PTPRN2: variants seen among roughly 807,000 people sequenced by gnomAD.
The protein encoded by PTPRN2 is protein tyrosine phosphatase receptor type N2, also known as receptor-type tyrosine-protein phosphatase N2.
A neutral mutation model predicts 118.8 loss-of-function variants in PTPRN2; 74 were observed. The ratio of observed to expected loss-of-function variants is 0.62; its 90% CI spans 0.52 to 0.76. PTPRN2 has a LOEUF of 0.76. PTPRN2 is among the 30% of genes least tolerant of loss of function. The probability of loss-of-function intolerance (pLI) is 0.00; values close to 1 mark genes in which losing one functional copy is unlikely to be tolerated. For synonymous variants in PTPRN2, 641 were observed against 608.0 expected, an observed-to-expected ratio of 1.05 and a Z score of -0.80; for missense variants, 1,481 against 1,394.4, an observed-to-expected ratio of 1.06 and a Z score of -0.99.
intron 13 of PTPRN2, among the ~76,000 whole-genome samples, chr7:157,665,099 C>T (rs2150764747): frequency 6.6e-6 from 1 of 152,360 alleles, no homozygotes; most frequent in South Asian, 2.1e-4. Context: ...AGGGCCTCCC[C>T]TGCACAGCCT....
At chr7:158,001,587 C>T (rs767368066) in intron 11 of PTPRN2, among the ~76,000 whole-genome samples, 39 of 152,154 alleles carry the variant, frequency 2.6e-4, no homozygotes, top group Non-Finnish European at 5.3e-4. Context: ...TTCAGCCTCA[C>T]GGGCGCTCCC....
At chr7:158,280,499 T>C (rs1799348601) in intron 3 of PTPRN2, among the ~76,000 whole-genome samples, 1 of 152,210 alleles carries the variant, frequency 6.6e-6, no homozygotes, top group South Asian at 2.1e-4. Context: ...CTGCGTTTAA[T>C]TGGTCCTCTC....
intron 6 of PTPRN2, among the ~76,000 whole-genome samples, chr7:158,146,593 C>G (rs373288767): frequency 6.6e-6 from 1 of 150,552 alleles, no homozygotes; most frequent in Non-Finnish European, 1.5e-5. Flanking sequence ...TGGTGGCGGG[C>G]GCCTGTAGTC....
intron 6 of PTPRN2, among the ~76,000 whole-genome samples, chr7:158,165,140 T>G (rs7782123): frequency 9.7e-4 from 32 of 32,908 alleles, no homozygotes; most frequent in East Asian, 3.6e-3. Flanking sequence ...ACACAAAGAG[T>G]GCAGGAGGCA....
intron 11 of PTPRN2, among the ~76,000 whole-genome samples, chr7:157,982,309 T>C (rs12112318): frequency 0.085 from 340 of 4,006 alleles, 12 homozygotes; most frequent in East Asian, 0.12. Flanking sequence ...CCCCAAACCC[T>C]GAGTCATAGA....
chr7:157,838,293 G>C (rs540279144), intron 12 of PTPRN2, among the ~76,000 whole-genome samples: 1 of 134,334 alleles, frequency 7.4e-6, no homozygotes, highest in Non-Finnish European at 1.6e-5. Flanking sequence ...AGTTCCTCTC[G>C]TAGTGGATGG....
intron 12 of PTPRN2, among the ~76,000 whole-genome samples, chr7:157,778,709 T>C (rs1303985402): frequency 6.6e-6 from 1 of 152,000 alleles, no homozygotes; most frequent in East Asian, 1.9e-4. Flanking sequence ...AACGCCCATG[T>C]AAACATGTCC....
intron 17 of PTPRN2, among the ~76,000 whole-genome samples, chr7:157,589,498 G>A (rs555912173): frequency 2.6e-5 from 4 of 152,264 alleles, no homozygotes; most frequent in African/African-American, 7.2e-5. Flanking sequence ...ACCCAAAGCC[G>A]CAGGGATCCA....
intron 14 of PTPRN2, among the ~76,000 whole-genome samples, chr7:157,624,173 C>A (rs1471755715): frequency 6.6e-6 from 1 of 152,190 alleles, no homozygotes; most frequent in Non-Finnish European, 1.5e-5. Context: ...ATAATCCTAG[C>A]ACTTTGGAAG....
chr7:158,087,829 G>C, intron 10 of PTPRN2, among the ~76,000 whole-genome samples: 1 of 105,708 alleles, frequency 9.5e-6, no homozygotes, highest in African/African-American at 2.9e-5. Flanking sequence ...GAAAGAGGGA[G>C]TCTTCACACA....
intron 12 of PTPRN2, among the ~76,000 whole-genome samples, chr7:157,836,576 A>T (rs982453964): frequency 6.6e-6 from 1 of 150,746 alleles, no homozygotes; most frequent in African/African-American, 2.5e-5. Flanking sequence ...AGACAATTTG[A>T]TAAGGCACAC....
chr7:158,148,390 C>G (rs1196404541), intron 6 of PTPRN2, among the ~76,000 whole-genome samples: 9 of 136,782 alleles, frequency 6.6e-5, no homozygotes, highest in African/African-American at 1.9e-4. Context: ...ACGTGTCTTT[C>G]CCCCTCAATG....
intron 2 of PTPRN2, among the ~76,000 whole-genome samples, chr7:158,406,341 G>A (rs1467588766): frequency 4.2e-5 from 5 of 119,970 alleles, no homozygotes; most frequent in East Asian, 2.3e-4. Context: ...TGGCTCATCC[G>A]TGAGACATTT....
chr7:158,523,414 G>A (rs151117085), intron 1 of PTPRN2, among the ~76,000 whole-genome samples: 3,344 of 127,076 alleles, frequency 0.026, 51 homozygotes, highest in Middle Eastern at 0.047. Flanking sequence ...GCCCTGGAGC[G>A]GAGTCTGCCC....
intron 3 of PTPRN2, among the ~76,000 whole-genome samples, chr7:158,311,554 A>T (rs1005110963): frequency 3.3e-5 from 5 of 152,230 alleles, no homozygotes; most frequent in Non-Finnish European, 7.3e-5. Flanking sequence ...CAGTGAACGT[A>T]TTTTGTTCTG....
intron 2 of PTPRN2, among the ~76,000 whole-genome samples, chr7:158,326,658 ACTCT>A (rs773051370): frequency 7.2e-6 from 1 of 139,518 alleles, no homozygotes; most frequent in East Asian, 2.1e-4. Flanking sequence ...ACATGCTCAC[ACTCT>A]CACATGCACA....
chr7:158,112,373 G>A (rs1487481378), intron 9 of PTPRN2, among the ~76,000 whole-genome samples: 3 of 152,216 alleles, frequency 2.0e-5, no homozygotes, highest in African/African-American at 7.2e-5. Flanking sequence ...AGCAGAGAAG[G>A]CAAGGGGGCC....
chr7:158,323,345 C>T (rs1261973921), intron 2 of PTPRN2, among the ~76,000 whole-genome samples: 3 of 152,048 alleles, frequency 2.0e-5, no homozygotes, highest in African/African-American at 7.2e-5. Flanking sequence ...GGGGGCCCCA[C>T]ATTTCAGAGT....
intron 12 of PTPRN2, among the ~76,000 whole-genome samples, chr7:157,828,821 G>A (rs1807357394): frequency 6.6e-6 from 1 of 152,234 alleles, no homozygotes; most frequent in South Asian, 2.1e-4. Context: ...TCCAGTAGTG[G>A]AGAATTTTAA....
Sources: gnomAD v4.1 joint callset for allele counts (sites outside exome capture counted in the v4.1 genomes callset) on GRCh38, gnomAD v4.1.1 for gene constraint, MANE v1.5 for transcripts, NCBI Gene and HGNC (gene_info 2026-07-23, HGNC 2026-07-21) for gene names.